The following ME1 variants were observed in gnomAD, a reference collection of about 807,000 sequenced individuals.
ME1 encodes the protein malic enzyme 1.
ME1 carries 74 observed loss-of-function variants against 66.4 expected under a neutral mutation model. The ratio of observed to expected loss-of-function variants is 1.11; its 90% CI spans 0.92 to 1.35. The LOEUF (loss-of-function observed/expected upper bound fraction) is 1.35. Ranked by LOEUF, ME1 falls within the 40% of genes most tolerant of loss-of-function variation. ME1 has a pLI of 0.00. For synonymous variants in ME1, 251 were observed against 235.6 expected (o/e 1.07, Z -0.60); for missense variants, 750 against 694.1 (o/e 1.08, Z -0.90).
chr6:83,413,496 C>A (rs891385474), intron 1 of ME1, among the ~76,000 whole-genome samples: 5 of 151,632 alleles, frequency 3.3e-5, no homozygotes, highest in African/African-American at 4.8e-5. Flanking sequence ...TTCTTCATAT[C>A]AAAAAAGTTT....
chr6:83,325,005 A>AAG (rs199542936), intron 5 of ME1, among the ~76,000 whole-genome samples: 50,468 of 151,486 alleles, frequency 0.33, 8,741 homozygotes, highest in Middle Eastern at 0.49. Flanking sequence ...GCACATCAAA[A>AAG]CTTATCCACC....
intron 6 of ME1, among the ~76,000 whole-genome samples, chr6:83,273,486 T>C (rs2128531572): frequency 6.6e-6 from 1 of 152,264 alleles, no homozygotes; most frequent in Admixed American, 6.5e-5. Flanking sequence ...ATCAACCACC[T>C]CAACTCAACA....
chr6:83,332,942 G>A (rs973299874), intron 5 of ME1, among the ~76,000 whole-genome samples: 3 of 152,046 alleles, frequency 2.0e-5, no homozygotes, highest in Non-Finnish European at 4.4e-5. Flanking sequence ...ATATTTTTTA[G>A]CCAAGTACTT....
rs145714966 is a variant in ME1 at position 83,398,377 on chromosome 6, G to A, written c.352C>T (p.Arg118Trp). 1.2e-5 allele frequency: 19 copies of A among 1,573,214 alleles called. No individual in the cohort carries two copies. Among genetic ancestry groups the A allele is most frequent in the Admixed American group, 5.9e-5 (3 of 51,070 alleles). The change falls in exon 3 of 14, where the codon CGG (arginine) becomes TGG (tryptophan). Residue 118 changes from arginine to tryptophan, a missense_variant. Coordinates refer to ENST00000369705, the MANE Select transcript of ME1 (RefSeq NM_002395.6). ...TAAAAGTTGACATACCTTGGCTTCC[G>A]AAACACCAAACTATATTGTTGGCAA... is the stretch of plus-strand genomic sequence containing the variant. ...LACQQYSLVFRKPRGLFITIH... is the reference protein window; with the variant it reads ...LACQQYSLVFWKPRGLFITIH...
At chr6:83,305,917 AT>A (rs1767815590) in intron 6 of ME1, among the ~76,000 whole-genome samples, 1 of 152,122 alleles carries the variant, frequency 6.6e-6, no homozygotes, top group South Asian at 2.1e-4. Context: ...TTGTTATAAG[AT>A]TTCCCCAAAC....
At chr6:83,215,157 A>G (rs1313494117) in intron 13 of ME1, among the ~76,000 whole-genome samples, 1 of 152,176 alleles carries the variant, frequency 6.6e-6, no homozygotes, top group Non-Finnish European at 1.5e-5. Flanking sequence ...TTTTTAAGAG[A>G]CTGCCTTCAG....
intron 3 of ME1, among the ~76,000 whole-genome samples, chr6:83,398,113 G>A (rs924735722): frequency 2.0e-5 from 3 of 152,052 alleles, no homozygotes; most frequent in Non-Finnish European, 4.4e-5. Flanking sequence ...TATTATATAC[G>A]TGAAAACTGC....
At chr6:83,413,074 T>C (rs1032689750) in intron 1 of ME1, among the ~76,000 whole-genome samples, 7 of 152,224 alleles carry the variant, frequency 4.6e-5, no homozygotes, top group African/African-American at 1.7e-4. Context: ...TAGCAAATTA[T>C]TGATATATTT....
At chr6:83,244,993 T>G (rs1313061200) in intron 7 of ME1, among the ~76,000 whole-genome samples, 3 of 152,014 alleles carry the variant, frequency 2.0e-5, no homozygotes, top group Non-Finnish European at 2.9e-5. Context: ...CTGTGACCTA[T>G]CAAAGAGCCG....
intron 6 of ME1, among the ~76,000 whole-genome samples, chr6:83,278,477 T>G (rs1767231010): frequency 6.6e-6 from 1 of 152,214 alleles, no homozygotes; most frequent in Non-Finnish European, 1.5e-5. Context: ...GCTCTTGCTC[T>G]GTCGCCCAGG....
chr6:83,421,997 A>G (rs1415104252), intron 1 of ME1, among the ~76,000 whole-genome samples: 1 of 152,132 alleles, frequency 6.6e-6, no homozygotes, highest in Admixed American at 6.6e-5. Context: ...CAGGGCAGGA[A>G]AACAAAAGCC....
At chr6:83,255,196 A>C (rs1766741937) in intron 6 of ME1, among the ~76,000 whole-genome samples, 1 of 152,000 alleles carries the variant, frequency 6.6e-6, no homozygotes, top group Non-Finnish European at 1.5e-5. Context: ...AGTGTAGCCT[A>C]GCATCTTTTT....
intron 3 of ME1, among the ~76,000 whole-genome samples, chr6:83,382,311 T>C (rs144576267): frequency 4.6e-5 from 7 of 152,182 alleles, no homozygotes; most frequent in African/African-American, 1.7e-4. Flanking sequence ...CAGTGGACGC[T>C]CAATAAATTT....
intron 6 of ME1, among the ~76,000 whole-genome samples, chr6:83,254,608 A>T (rs547603218): frequency 6.6e-6 from 1 of 152,280 alleles, no homozygotes; most frequent in South Asian, 2.1e-4. Flanking sequence ...TAGAGAGAAC[A>T]TTATTAACCT....
At chr6:83,399,138 G>A (rs138112172) in intron 2 of ME1, among the ~76,000 whole-genome samples, 4,166 of 151,732 alleles carry the variant, frequency 0.027, 195 homozygotes, top group African/African-American at 0.092. Flanking sequence ...GGGACTACAG[G>A]CGTGCACCAA....
chr6:83,361,155 A>G (rs985319825), intron 3 of ME1, among the ~76,000 whole-genome samples: 1 of 152,216 alleles, frequency 6.6e-6, no homozygotes, highest in African/African-American at 2.4e-5. Flanking sequence ...TAGCAAACAC[A>G]CCGAATGTAT....
intron 5 of ME1, among the ~76,000 whole-genome samples, chr6:83,320,929 T>C (rs1454864187): frequency 6.6e-6 from 1 of 152,020 alleles, no homozygotes; most frequent in Non-Finnish European, 1.5e-5. Context: ...AGGTGGGTGA[T>C]TTCTGCATTT....
intron 3 of ME1, among the ~76,000 whole-genome samples, chr6:83,370,655 C>T (rs774564658): frequency 1.3e-5 from 2 of 152,006 alleles, no homozygotes; most frequent in Admixed American, 6.6e-5. Flanking sequence ...AGGTTTCTTT[C>T]CAAACATTAC....
chr6:83,223,586 T>C (rs1212122772), intron 12 of ME1, among the ~76,000 whole-genome samples, 174 bp downstream of exon 12: 1 of 152,206 alleles, frequency 6.6e-6, no homozygotes, highest in East Asian at 1.9e-4. Context: ...AACCTTTCGT[T>C]TGTGAGTCAG....
Sources: gnomAD v4.1 joint callset for allele counts (sites outside exome capture counted in the v4.1 genomes callset) on GRCh38, gnomAD v4.1.1 for gene constraint, MANE v1.5 for transcripts, NCBI Gene and HGNC (gene_info 2026-07-23, HGNC 2026-07-21) for gene names.